The following TTC28 variants were observed in gnomAD, a reference collection of about 807,000 sequenced individuals.
TTC28 encodes the protein tetratricopeptide repeat protein 28.
Under a neutral mutation model 198.0 loss-of-function variants are expected in TTC28, and 61 were observed. The ratio of observed to expected loss-of-function variants is 0.31; its 90% confidence interval spans 0.25 to 0.38. The LOEUF (loss-of-function observed/expected upper bound fraction) is 0.38, where lower values mean the gene tolerates loss of function less well. Among genes scored for constraint, TTC28 ranks in the 10% least tolerant of loss-of-function variants. The pLI is 1.00. For missense variants in TTC28, 2,678 were observed against 3,164.0 expected, an observed-to-expected ratio of 0.85 and a Z score of 3.69; for synonymous variants, 1,171 against 1,297.8, an observed-to-expected ratio of 0.90 and a Z score of 2.10.
intron 2 of TTC28, among the ~76,000 whole-genome samples, chr22:28,625,388 T>A (rs895792687): frequency 6.6e-6 from 1 of 152,110 alleles, no homozygotes; most frequent in East Asian, 1.9e-4. Context: ...GTACAGAAAA[T>A]ACATTGTATT....
intron 5 of TTC28, among the ~76,000 whole-genome samples, chr22:28,271,793 T>G (rs1295794061): frequency 1.3e-5 from 2 of 152,116 alleles, no homozygotes; most frequent in Non-Finnish European, 2.9e-5. Context: ...TTAGTGGAGA[T>G]GGGGTTTCAC....
At chr22:28,413,578 G>A (rs2047120914) in intron 2 of TTC28, among the ~76,000 whole-genome samples, 1 of 152,118 alleles carries the variant, frequency 6.6e-6, no homozygotes, top group Non-Finnish European at 1.5e-5. Context: ...CAGCTTGGAA[G>A]GCAGCCACAG....
chr22:28,469,984 T>C (rs2048077413), intron 2 of TTC28, among the ~76,000 whole-genome samples: 1 of 152,050 alleles, frequency 6.6e-6, no homozygotes, highest in South Asian at 2.1e-4. Flanking sequence ...TATAGGCATG[T>C]ACCACCACAT....
intron 2 of TTC28, among the ~76,000 whole-genome samples, chr22:28,401,336 C>G (rs540072121): frequency 2.6e-5 from 4 of 152,232 alleles, no homozygotes; most frequent in African/African-American, 9.6e-5. Flanking sequence ...TAAACCAGGG[C>G]CAGGCACGGT....
At chr22:28,215,968 A>C (rs1289411557) in intron 5 of TTC28, among the ~76,000 whole-genome samples, 2 of 152,192 alleles carry the variant, frequency 1.3e-5, no homozygotes, top group Non-Finnish European at 2.9e-5. Flanking sequence ...AATACCAAAA[A>C]GTACTGTGAA....
rs190327074 is a variant in TTC28 at position 28,558,601 on chromosome 22, G to A, written c.381+70951C>T. 6.9e-3 allele frequency among the ~76,000 whole-genome samples: 1,058 copies of A among 152,252 alleles called. 7 individuals carry two copies. The highest frequency in any genetic ancestry group is 0.011 in the Non-Finnish European group (762 of 68,014). ...GAGGCAGGAGAATCGCTTGAACCCC[G>A]GAGGCGGAGGTTGCAGTGAGCTGAG... On this transcript the variant is annotated intron_variant, in intron 2 of 22. Coordinates refer to ENST00000397906, the MANE Select transcript of TTC28 (RefSeq NM_001145418.2).
intron 17 of TTC28, chr22:27,994,421 G>A (rs1354348432): frequency 2.0e-5 from 3 of 151,898 alleles, no homozygotes; most frequent in Admixed American, 6.5e-5. Flanking sequence ...TCACCGGAGG[G>A]GCATGAGTGG....
intron 2 of TTC28, among the ~76,000 whole-genome samples, chr22:28,552,230 G>C (rs530541001): frequency 6.6e-6 from 1 of 152,264 alleles, no homozygotes; most frequent in South Asian, 2.1e-4. Context: ...AGAAATCACA[G>C]ATGACACAAA....
intron 2 of TTC28, among the ~76,000 whole-genome samples, chr22:28,324,218 G>A (rs980395525): frequency 3.0e-4 from 46 of 152,130 alleles, no homozygotes; most frequent in African/African-American, 9.7e-4. Flanking sequence ...TTGGGAGGCC[G>A]AGGTAGGTGG....
At chr22:28,652,043 T>C (rs1173284132) in intron 1 of TTC28, among the ~76,000 whole-genome samples, 1 of 151,860 alleles carries the variant, frequency 6.6e-6, no homozygotes, top group African/African-American at 2.4e-5. Flanking sequence ...TTTCACCACA[T>C]TGGCCAGGCT....
chr22:28,258,699 A>C (rs538841975), intron 5 of TTC28, among the ~76,000 whole-genome samples: 16 of 152,306 alleles, frequency 1.1e-4, no homozygotes, highest in Non-Finnish European at 5.9e-5. Context: ...GAAGCATATG[A>C]ATAGATGTTC....
chr22:28,185,817 G>C (rs1924143985), intron 5 of TTC28, among the ~76,000 whole-genome samples: 1 of 152,084 alleles, frequency 6.6e-6, no homozygotes, highest in Non-Finnish European at 1.5e-5. Flanking sequence ...TCATTTTGCA[G>C]ATGAGGAAAC....
intron 6 of TTC28, among the ~76,000 whole-genome samples, chr22:28,108,716 G>A: frequency 6.6e-6 from 1 of 152,154 alleles, no homozygotes; most frequent in East Asian, 1.9e-4. Context: ...AAGTTCAATA[G>A]CCATTGCGTA....
chr22:28,400,146 T>G (rs991332429), intron 2 of TTC28, among the ~76,000 whole-genome samples: 1 of 152,214 alleles, frequency 6.6e-6, no homozygotes, highest in Non-Finnish European at 1.5e-5. Flanking sequence ...TTTCAGTAAC[T>G]TTTCATCTTG....
At chr22:28,649,786 C>T (rs73170611) in intron 1 of TTC28, among the ~76,000 whole-genome samples, 4,041 of 152,226 alleles carry the variant, frequency 0.027, 66 homozygotes, top group Non-Finnish European at 0.042. Flanking sequence ...ATTAAAATTT[C>T]AAATTCAACC....
chr22:28,482,897 A>G (rs918894275), intron 2 of TTC28, among the ~76,000 whole-genome samples: 31 of 152,328 alleles, frequency 2.0e-4, no homozygotes, highest in Admixed American at 1.1e-3. Flanking sequence ...TACAGCATGA[A>G]TCAGAACTTC....
intron 2 of TTC28, among the ~76,000 whole-genome samples, chr22:28,541,898 T>G (rs1037821548): frequency 6.6e-6 from 1 of 151,966 alleles, no homozygotes; most frequent in African/African-American, 2.4e-5. Context: ...CTGAGCAATA[T>G]AGCAAGACCC....
intron 5 of TTC28, among the ~76,000 whole-genome samples, chr22:28,168,546 A>AAAACACAG (rs1443945129): frequency 6.6e-6 from 1 of 152,166 alleles, no homozygotes; most frequent in Admixed American, 6.5e-5. Context: ...ATCTTTGACA[A>AAAACACAG]ACCTGACAAA....
chr22:28,380,139 T>A (rs977029391), intron 2 of TTC28, among the ~76,000 whole-genome samples: 2 of 151,400 alleles, frequency 1.3e-5, no homozygotes, highest in African/African-American at 4.8e-5. Context: ...TAGTATTATT[T>A]CAAAATAAAA....
Sources: allele counts gnomAD v4.1 joint callset (sites outside exome capture counted in the v4.1 genomes callset), GRCh38; gene constraint gnomAD v4.1.1; transcripts MANE v1.5; gene names NCBI Gene and HGNC (gene_info 2026-07-23, HGNC 2026-07-21).